KCNAB1: variants seen among roughly 807,000 people sequenced by gnomAD.
KCNAB1 encodes the protein voltage-gated potassium channel subunit beta-1.
A neutral mutation model predicts 64.6 loss-of-function variants in KCNAB1; 35 were observed. The ratio of observed to expected loss-of-function variants is 0.54; its 90% CI spans 0.41 to 0.72. The LOEUF is 0.72. KCNAB1 is among the 30% of genes least tolerant of loss of function. The pLI, the probability that KCNAB1 is intolerant of heterozygous loss-of-function variation, is 0.00. For missense variants in KCNAB1, 401 were observed against 512.9 expected (o/e 0.78, Z 2.11); for synonymous variants, 177 against 183.8 (o/e 0.96, Z 0.30).
chr3:156,246,339 C>T (rs1717450292), intron 1 of KCNAB1, among the ~76,000 whole-genome samples: 1 of 152,180 alleles, frequency 6.6e-6, no homozygotes, highest in Non-Finnish European at 1.5e-5. Context: ...GGCGCGGTGG[C>T]TCACGCCTGT....
intron 2 of KCNAB1, 94 bp downstream of exon 2, chr3:156,421,753 C>A: frequency 9.2e-7 from 1 of 1,083,808 alleles, no homozygotes. Flanking sequence ...AGGACCTGGT[C>A]TCAGATGAGG....
intron 1 of KCNAB1, among the ~76,000 whole-genome samples, chr3:156,188,052 G>A (rs1342459538): frequency 6.6e-6 from 1 of 152,056 alleles, no homozygotes; most frequent in African/African-American, 2.4e-5. Flanking sequence ...TCTCTTTATA[G>A]CTTCATGTCC....
chr3:156,271,034 A>C (rs1004170866), intron 1 of KCNAB1, among the ~76,000 whole-genome samples: 7 of 152,248 alleles, frequency 4.6e-5, no homozygotes, highest in African/African-American at 1.7e-4. Context: ...TAAGGCTTCT[A>C]CTGAAAAGTG....
rs146098278 is a variant in KCNAB1, at chr3:156,270,101, A to G, written c.275+149215A>G. On this transcript the variant is annotated intron_variant, in intron 1 of 13. Coordinates refer to ENST00000490337, the MANE Select transcript of KCNAB1 (RefSeq NM_172160.3). ...CAGCTAATTTTTTGTATTTTTTAGT[A>G]GAGACGAGGTTTCACCGTGTTAGCC... Among the ~76,000 whole-genome samples the G allele has an allele frequency of 2.9e-3, 435 of 152,002 alleles. 3 individuals carry two copies. The highest frequency in any genetic ancestry group is 0.01 in the African/African-American group (421 of 41,492).
chr3:156,245,894 T>C (rs906049697), intron 1 of KCNAB1, among the ~76,000 whole-genome samples: 4 of 152,142 alleles, frequency 2.6e-5, no homozygotes, highest in Non-Finnish European at 5.9e-5. Flanking sequence ...CTTTTTAGGA[T>C]CATGGTGTTG....
chr3:156,279,593 A>C (rs1197133803), intron 1 of KCNAB1, among the ~76,000 whole-genome samples: 1 of 151,842 alleles, frequency 6.6e-6, no homozygotes, highest in Non-Finnish European at 1.5e-5. Flanking sequence ...ACAGTGTAAA[A>C]GTGTTCCTAT....
intron 2 of KCNAB1, among the ~76,000 whole-genome samples, chr3:156,450,178 A>G (rs1422364122): frequency 3.3e-5 from 5 of 152,208 alleles, no homozygotes. Context: ...TACCTACAAA[A>G]TAGTGCCACC....
chr3:156,167,541 T>C (rs1448859402), intron 1 of KCNAB1, among the ~76,000 whole-genome samples: 1 of 152,200 alleles, frequency 6.6e-6, no homozygotes, highest in Admixed American at 6.5e-5. Context: ...CCAAGGGTGT[T>C]TTGTGCTATG....
intron 1 of KCNAB1, among the ~76,000 whole-genome samples, chr3:156,240,833 G>A (rs985998925): frequency 1.3e-5 from 2 of 152,220 alleles, no homozygotes; most frequent in African/African-American, 4.8e-5. Flanking sequence ...GGAGGCACAG[G>A]AAACACCAGT....
chr3:156,479,583 C>A (rs190749688), intron 8 of KCNAB1, among the ~76,000 whole-genome samples: 90 of 152,208 alleles, frequency 5.9e-4, no homozygotes, highest in African/African-American at 2.1e-3. Flanking sequence ...GAAGAGGGGA[C>A]ACACTAACTT....
chr3:156,354,047 A>ATATGTGTGTG (rs1553851297), intron 1 of KCNAB1, among the ~76,000 whole-genome samples: 2,095 of 137,556 alleles, frequency 0.015, 56 homozygotes, highest in African/African-American at 0.053. Context: ...GTGTATATAT[A>ATATGTGTGTG]TGTGTGTGTG....
At chr3:156,308,141 A>G (rs78288879) in intron 1 of KCNAB1, among the ~76,000 whole-genome samples, 3,361 of 152,316 alleles carry the variant, frequency 0.022, 43 homozygotes, top group South Asian at 0.032. Flanking sequence ...GATAACTTTC[A>G]GTAATAGATT....
intron 1 of KCNAB1, among the ~76,000 whole-genome samples, chr3:156,250,814 A>G (rs1289108262): frequency 6.6e-6 from 1 of 152,232 alleles, no homozygotes; most frequent in East Asian, 1.9e-4. Context: ...GATCTCTCTC[A>G]ATGCCCAGGC....
chr3:156,465,822 C>T lies in KCNAB1; in HGVS notation c.571+136C>T, dbSNP rs193144475. On this transcript the variant is annotated intron_variant, in intron 7 of 13. Transcript: ENST00000490337. ...AGTGCCACAATCAACCAAGTTTCTTCTTGGGGTTAAATATAGGGAATGCAG... is the reference window on the plus strand; with the variant it reads ...AGTGCCACAATCAACCAAGTTTCTTTTTGGGGTTAAATATAGGGAATGCAG... The T allele has an allele frequency of 2.0e-4, 146 of 728,198 alleles. No individual in the cohort carries two copies. The African/African-American group carries it at 2.2e-3, about 11-fold the overall frequency. The allele number at this position is 728,198 out of a possible 1,614,324, so 45.1% of individuals were successfully genotyped here. A position where few individuals can be genotyped will look rare whatever the true frequency, so the allele number is the denominator to read the frequency against.
Position 156,272,999 on chromosome 3 carries a change from G to A in KCNAB1, c.276-148617G>A, listed in dbSNP as rs145807838. Among the ~76,000 whole-genome samples, 591 of 152,184 alleles carry A rather than the reference G, an allele frequency of 3.9e-3. 2 individuals are homozygous for A. The highest frequency in any genetic ancestry group is 6.1e-3 in the Admixed American group (94 of 15,290). On this transcript the variant is annotated intron_variant, in intron 1 of 13. Coordinates refer to ENST00000490337, the MANE Select transcript of KCNAB1 (RefSeq NM_172160.3). ...CCTAGCCCAGGGTTTGTCTAGAAAT[G>A]TCATCTGGAAGCTAGGTCCCGGAAA...
intron 1 of KCNAB1, among the ~76,000 whole-genome samples, chr3:156,357,277 T>C (rs567323417): frequency 6.2e-4 from 94 of 152,162 alleles, no homozygotes; most frequent in Non-Finnish European, 1.2e-3. Context: ...AGTGAATTTG[T>C]TTGCTGGTCA....
intron 1 of KCNAB1, among the ~76,000 whole-genome samples, chr3:156,372,341 G>A (rs1726362417): frequency 6.6e-6 from 1 of 152,212 alleles, no homozygotes; most frequent in South Asian, 2.1e-4. Flanking sequence ...GTTGTAAAAT[G>A]AGGATGATAA....
At position 156,225,461 on chromosome 3, in the gene KCNAB1, A is replaced by C. The variant is rs192517000; in HGVS notation, c.275+104575A>C. Among the ~76,000 whole-genome samples, 201 of 152,336 alleles carry C rather than the reference A, an allele frequency of 1.3e-3. No individual in the cohort carries two copies. The South Asian group carries it at 0.016, about 12-fold the overall frequency. The stretch of plus-strand genomic sequence containing the variant: ...CATCTATGACAAACCCACAGCCAAT[A>C]TTATACTGAACAGGGAAAATTTTAA... On this transcript the variant is annotated intron_variant, in intron 1 of 13. Coordinates refer to ENST00000490337, the MANE Select transcript of KCNAB1 (RefSeq NM_172160.3).
chr3:156,520,263 C>T (rs190371692), intron 11 of KCNAB1, among the ~76,000 whole-genome samples: 1 of 152,242 alleles, frequency 6.6e-6, no homozygotes, highest in East Asian at 1.9e-4. Context: ...GCAGCTCCTC[C>T]CTGTTGATGG....
Sources: gnomAD v4.1 joint callset for allele counts (sites outside exome capture counted in the v4.1 genomes callset) on GRCh38, gnomAD v4.1.1 for gene constraint, MANE v1.5 for transcripts, NCBI Gene and HGNC (gene_info 2026-07-23, HGNC 2026-07-21) for gene names.